The following USP32 variants were observed in gnomAD, a reference collection of about 807,000 sequenced individuals.
The protein encoded by USP32 is ubiquitin specific peptidase 32.
In USP32, 59 loss-of-function variants were observed where a neutral mutation model predicts 204.8. That is an observed-to-expected ratio of 0.29 (90% CI 0.23 to 0.36). The LOEUF (loss-of-function observed/expected upper bound fraction) is 0.36, where lower values mean the gene tolerates loss of function less well. USP32 is among the 10% of genes least tolerant of loss of function. The pLI is 1.00. For missense variants in USP32, 1,160 were observed against 1,946.4 expected (o/e 0.60, Z 7.60); for synonymous variants, 517 against 678.4 (o/e 0.76, Z 3.70).
At chr17:60,223,651 T>C in intron 13 of USP32, 65 bp from the exon 14 acceptor site, 1 of 1,410,540 alleles carries the variant, frequency 7.1e-7, no homozygotes, top group Non-Finnish European at 9.6e-7. Context: ...GGCTTGAGGA[T>C]ATGAACTCAA....
At chr17:60,399,922 G>A (rs762656622) in intron 1 of USP32, among the ~76,000 whole-genome samples, 11 of 152,082 alleles carry the variant, frequency 7.2e-5, no homozygotes, top group East Asian at 1.9e-4. Flanking sequence ...GCTCTTGCTC[G>A]TAAAATCAGA....
At chr17:60,391,384 A>G (rs774786091) in intron 1 of USP32, among the ~76,000 whole-genome samples, 5 of 152,198 alleles carry the variant, frequency 3.3e-5, no homozygotes, top group Non-Finnish European at 7.4e-5. Context: ...GGCTCTGGGA[A>G]AAGGCAGGGA....
chr17:60,194,260 T>C lies in USP32; in HGVS notation c.3435-1330A>G, dbSNP rs138287544. On this transcript the variant is annotated intron_variant, in intron 27 of 33. Transcript: ENST00000300896. ...TATTTCACCATGTTGTCCAGCCTGG[T>C]CTTAAACTCCTGGGCTCAAGTGATC... Among the ~76,000 whole-genome samples, 956 of 152,254 alleles carry C rather than the reference T, an allele frequency of 6.3e-3. 27 individuals are homozygous for C. Among genetic ancestry groups the C allele is most frequent in the Admixed American group, 0.045 (688 of 15,294 alleles).
At chr17:60,371,960 T>C (rs572827719) in intron 1 of USP32, among the ~76,000 whole-genome samples, 1 of 152,278 alleles carries the variant, frequency 6.6e-6, no homozygotes, top group South Asian at 2.1e-4. Flanking sequence ...CTACCTAATT[T>C]CAGCTGTGAA....
Position 60,349,206 on chromosome 17 carries a change from C to T in USP32, c.59-3598G>A, listed in dbSNP as rs2088861124. On this transcript the variant is annotated intron_variant, in intron 1 of 33. Coordinates refer to ENST00000300896, the MANE Select transcript of USP32 (RefSeq NM_032582.4). The stretch of plus-strand genomic sequence containing the variant: ...ATTATATATTAATCTAATAGACTAC[C>T]TGTATAACAGTATAGGTAATCTCCT... Among the ~76,000 whole-genome samples, 7 of 150,584 alleles carry T rather than the reference C, an allele frequency of 4.6e-5. No individual in the cohort carries two copies. In the South Asian group the frequency reaches 1.5e-3, roughly 32 times the overall value.
intron 1 of USP32, among the ~76,000 whole-genome samples, chr17:60,414,175 C>A (rs2090041534): frequency 6.6e-6 from 1 of 151,556 alleles, no homozygotes; most frequent in Non-Finnish European, 1.5e-5. Context: ...CCAGCCTGGC[C>A]AACATGGCAA....
chr17:60,405,070 C>A, intron 1 of USP32, among the ~76,000 whole-genome samples: 1 of 152,166 alleles, frequency 6.6e-6, no homozygotes. Context: ...GAGGCTGAAG[C>A]ACAAGAATTG....
At chr17:60,389,791 C>A (rs932169296) in intron 1 of USP32, among the ~76,000 whole-genome samples, 4 of 151,576 alleles carry the variant, frequency 2.6e-5, no homozygotes, top group Non-Finnish European at 5.9e-5. Flanking sequence ...CCGAGGCGGG[C>A]AGATCACAAG....
chr17:60,180,833 G>A (rs918230514), intron 32 of USP32, among the ~76,000 whole-genome samples, 196 bp from the exon 33 acceptor site: 18 of 151,680 alleles, frequency 1.2e-4, no homozygotes, highest in Admixed American at 5.2e-4. Flanking sequence ...TCTAAGTCTT[G>A]TGTGGATAAA....
intron 1 of USP32, among the ~76,000 whole-genome samples, chr17:60,359,624 C>T (rs1271953446): frequency 6.6e-6 from 1 of 151,936 alleles, no homozygotes; most frequent in Non-Finnish European, 1.5e-5. Flanking sequence ...CAGCTTGAGC[C>T]ACACAGGGAG....
At chr17:60,393,026 A>T (rs1023800368), upstream of USP32, among the ~76,000 whole-genome samples, 9 of 152,172 alleles carry the variant, frequency 5.9e-5, no homozygotes, top group Non-Finnish European at 1.3e-4. Context: ...TGGCGTTAAG[A>T]ACATTGATAT....
At chr17:60,368,121 T>C (rs1433343884) in intron 1 of USP32, among the ~76,000 whole-genome samples, 2 of 152,224 alleles carry the variant, frequency 1.3e-5, no homozygotes, top group East Asian at 3.9e-4. Flanking sequence ...CAAAGAGCCA[T>C]ATAAGCTAAC....
chr17:60,342,560 G>A (rs184433821), intron 2 of USP32, among the ~76,000 whole-genome samples: 153 of 152,338 alleles, frequency 1.0e-3, no homozygotes, highest in African/African-American at 3.6e-3. Flanking sequence ...AGTAGGCCTT[G>A]CTGAGCTGCA....
At chr17:60,390,895 A>G (rs547881423) in intron 1 of USP32, among the ~76,000 whole-genome samples, 1 of 152,352 alleles carries the variant, frequency 6.6e-6, no homozygotes, top group African/African-American at 2.4e-5. Context: ...GCATACACAG[A>G]TCTACACACA....
intron 1 of USP32, among the ~76,000 whole-genome samples, chr17:60,402,246 C>CTTTTTT (rs761342227): frequency 2.5e-5 from 3 of 118,444 alleles, no homozygotes; most frequent in Non-Finnish European, 3.5e-5. Context: ...CCTCATTTAT[C>CTTTTTT]TTTTTTTTTT....
chr17:60,380,449 T>C (rs1428800834), intron 1 of USP32, among the ~76,000 whole-genome samples: 1 of 152,034 alleles, frequency 6.6e-6, no homozygotes, highest in Non-Finnish European at 1.5e-5. Context: ...ACACCTGTAG[T>C]CCCAGCTGCT....
intron 1 of USP32, among the ~76,000 whole-genome samples, chr17:60,412,411 C>T (rs952955203): frequency 3.6e-5 from 5 of 137,084 alleles, no homozygotes; most frequent in African/African-American, 8.1e-5. Flanking sequence ...GGAATGGGGG[C>T]GGTGGGGCGG....
intron 2 of USP32, among the ~76,000 whole-genome samples, chr17:60,322,457 A>G (rs1043610646): frequency 6.6e-6 from 1 of 152,218 alleles, no homozygotes; most frequent in African/African-American, 2.4e-5. Flanking sequence ...GTAAATCTTC[A>G]CAAAAATTTA....
At chr17:60,393,137 C>G (rs564230321), upstream of USP32, among the ~76,000 whole-genome samples, 62 of 152,312 alleles carry the variant, frequency 4.1e-4, no homozygotes, top group African/African-American at 1.4e-3. Flanking sequence ...CCCCCTCCCA[C>G]TGGTCCGTGG....
Sources: gnomAD v4.1 joint callset for allele counts (sites outside exome capture counted in the v4.1 genomes callset) on GRCh38, gnomAD v4.1.1 for gene constraint, MANE v1.5 for transcripts, NCBI Gene and HGNC (gene_info 2026-07-23, HGNC 2026-07-21) for gene names.